Variants in MYOF observed in about 807,000 individuals in gnomAD.
MYOF encodes the protein myoferlin.
MYOF carries 244 observed loss-of-function variants against 284.2 expected under a neutral mutation model. The observed-to-expected ratio is 0.86, with a 90% CI of 0.77 to 0.95. The LOEUF is 0.95. Among genes scored for constraint, MYOF ranks in the 40% least tolerant of loss-of-function variants. The pLI is 0.00. For synonymous variants in MYOF, 904 were observed against 919.7 expected (o/e 0.98, Z 0.31); for missense variants, 2,496 against 2,560.6 (o/e 0.97, Z 0.54).
chr10:93,467,148 C>T (rs1434849855), intron 1 of MYOF, among the ~76,000 whole-genome samples: 1 of 151,960 alleles, frequency 6.6e-6, no homozygotes, highest in Non-Finnish European at 1.5e-5. Flanking sequence ...TGTTTCCAAA[C>T]CTGTGCTCTT....
chr10:93,383,514 G>A (rs1462358162), intron 19 of MYOF, among the ~76,000 whole-genome samples: 1 of 152,148 alleles, frequency 6.6e-6, no homozygotes, highest in African/African-American at 2.4e-5. Context: ...AGGGAGGATT[G>A]GGGGTGCACG....
At chr10:93,326,030 G>A (rs58634609) in intron 45 of MYOF, 65 bp from the exon 46 acceptor site, 1 of 1,600,322 alleles carries the variant, frequency 6.2e-7, no homozygotes, top group African/African-American at 1.3e-5. Flanking sequence ...AGATTGCCTA[G>A]AGCTGCTTCC....
chr10:93,344,727 A>T (rs1373067654), intron 37 of MYOF, among the ~76,000 whole-genome samples: 5 of 722 alleles, frequency 6.9e-3, no homozygotes, highest in Admixed American at 0.062. Context: ...AACTTAAATT[A>T]AAAAAAAAAA....
intron 19 of MYOF, among the ~76,000 whole-genome samples, chr10:93,382,265 G>T (rs370634490): frequency 6.5e-4 from 99 of 151,718 alleles, no homozygotes; most frequent in African/African-American, 2.2e-3. Context: ...TTGAGACAGG[G>T]TCTCATGCTG....
intron 7 of MYOF, among the ~76,000 whole-genome samples, chr10:93,404,601 A>G (rs1362557009): frequency 1.4e-5 from 2 of 143,588 alleles, no homozygotes; most frequent in African/African-American, 5.2e-5. Context: ...TGAGCCCAGG[A>G]GTTCAAGACC....
chr10:93,385,185 A>G (rs1417824856), intron 19 of MYOF, among the ~76,000 whole-genome samples: 1 of 152,242 alleles, frequency 6.6e-6, no homozygotes, highest in African/African-American at 2.4e-5. Flanking sequence ...TCCTGGAGAC[A>G]AAAAATGGAG....
At chr10:93,332,766 G>A (rs971433502) in intron 43 of MYOF, among the ~76,000 whole-genome samples, 5 of 151,958 alleles carry the variant, frequency 3.3e-5, no homozygotes, top group Non-Finnish European at 7.4e-5. Flanking sequence ...AGAATGGCGT[G>A]AACCCAGGAG....
intron 32 of MYOF, 131 bp from the exon 33 acceptor site, chr10:93,351,977 G>A (rs1405285314): frequency 2.4e-6 from 2 of 832,352 alleles, no homozygotes; most frequent in African/African-American, 1.8e-5. Flanking sequence ...TGGAGATAGG[G>A]TTTCTAGGGA....
chr10:93,377,710 G>GA lies in MYOF; in HGVS notation c.2002-282dup, dbSNP rs375798180. ...ACTATGTACACTTTGTTAAAAGGCA[G>GA]AAAAAAAAAACCCATAAACATATTG... On this transcript the variant is annotated intron_variant, in intron 21 of 53. Transcript: ENST00000359263. 1.4e-3 allele frequency among the ~76,000 whole-genome samples: 212 copies of GA among 147,236 alleles called. 3 individuals are homozygous for GA. The highest frequency in any genetic ancestry group is 0.013 in the South Asian group (58 of 4,622).
At chr10:93,356,572 A>C in intron 30 of MYOF, 103 bp downstream of exon 30, 1 of 1,269,916 alleles carries the variant, frequency 7.9e-7, no homozygotes, top group Non-Finnish European at 1.1e-6. Context: ...ATCTTATAGT[A>C]CCAGGGTTAC....
chr10:93,327,202 A>C (rs1031675380), intron 45 of MYOF, among the ~76,000 whole-genome samples: 6 of 152,016 alleles, frequency 3.9e-5, no homozygotes, highest in Non-Finnish European at 7.4e-5. Context: ...TGCTCTGGTC[A>C]TCAGCCCCAG....
chr10:93,373,233 C>T, intron 23 of MYOF, 148 bp from the exon 24 acceptor site: 1 of 930,784 alleles, frequency 1.1e-6, no homozygotes, highest in South Asian at 1.6e-5. Context: ...CCTGAGCTCC[C>T]ATCTTCTAGG....
At chr10:93,418,581 G>C (rs1169844910) in intron 5 of MYOF, among the ~76,000 whole-genome samples, 1 of 152,150 alleles carries the variant, frequency 6.6e-6, no homozygotes, top group African/African-American at 2.4e-5. Flanking sequence ...AGCCAGTCTA[G>C]ATAACAAAGC....
intron 5 of MYOF, among the ~76,000 whole-genome samples, chr10:93,413,485 T>C (rs1230496794): frequency 6.6e-6 from 1 of 152,146 alleles, no homozygotes; most frequent in African/African-American, 2.4e-5. Context: ...ATGAGTGAAA[T>C]GCTAGCAGTT....
intron 24 of MYOF, among the ~76,000 whole-genome samples, chr10:93,372,461 A>C (rs1845637330): frequency 6.6e-6 from 1 of 152,140 alleles, no homozygotes; most frequent in Non-Finnish European, 1.5e-5. Context: ...AAGTATTCAG[A>C]ATCTCTTCCC....
chr10:93,466,110 C>T (rs952614800), intron 1 of MYOF, among the ~76,000 whole-genome samples: 61 of 152,230 alleles, frequency 4.0e-4, no homozygotes, highest in African/African-American at 1.5e-3. Context: ...GAAGGGCTGG[C>T]AGAAACGCCT....
At chr10:93,467,337 C>T (rs1257698547) in intron 1 of MYOF, among the ~76,000 whole-genome samples, 1 of 130,678 alleles carries the variant, frequency 7.7e-6, no homozygotes, top group Admixed American at 8.6e-5. Flanking sequence ...CCACAACAGT[C>T]GCCAGAGTGT....
intron 52 of MYOF, 97 bp downstream of exon 52, chr10:93,310,437 G>A: frequency 3.2e-6 from 4 of 1,242,022 alleles, no homozygotes; most frequent in Middle Eastern, 2.0e-4. Flanking sequence ...CAGATTAGGA[G>A]GACCACAAAA....
At chr10:93,378,752 G>T (rs886646424) in intron 21 of MYOF, among the ~76,000 whole-genome samples, 2 of 135,182 alleles carry the variant, frequency 1.5e-5, no homozygotes, top group Admixed American at 1.6e-4. Flanking sequence ...GTCTCAATTT[G>T]TCCAGGCTGG....
Sources: gnomAD v4.1 joint callset for allele counts (sites outside exome capture counted in the v4.1 genomes callset) on GRCh38, gnomAD v4.1.1 for gene constraint, MANE v1.5 for transcripts, NCBI Gene and HGNC (gene_info 2026-07-23, HGNC 2026-07-21) for gene names.